STRIP2: variants seen among roughly 807,000 people sequenced by gnomAD.
STRIP2 encodes the protein striatin interacting protein 2, also known as striatin-interacting protein 2.
STRIP2 carries 84 observed loss-of-function variants against 107.1 expected under a neutral mutation model. The observed-to-expected ratio is 0.78, with a 90% CI of 0.66 to 0.94. The LOEUF (loss-of-function observed/expected upper bound fraction) is 0.94. STRIP2 is among the 40% of genes least tolerant of loss of function. The pLI, the probability that STRIP2 is intolerant of heterozygous loss-of-function variation, is 0.00. For missense variants in STRIP2, 888 were observed against 1,034.2 expected (o/e 0.86, Z 1.94); for synonymous variants, 394 against 400.4 (o/e 0.98, Z 0.19).
chr7:129,451,690 G>T lies in STRIP2; in HGVS notation c.352G>T (p.Val118Leu), dbSNP rs1440334870. Residue 118 changes from valine (V) to leucine (L), a missense_variant, in exon 4 of 21, where the codon GTG becomes TTG. Transcript: ENST00000249344. ...AATGGGACTCTTGGACCGGCTAGAG[G>T]TGGTCAGTAGGGAACGGCGGCTGAA... ...YIMGLLDRLE[V>L]VSRERRLKVA... 3 of 1,614,066 alleles carry T rather than the reference G, an allele frequency of 1.9e-6. No homozygotes were observed. The highest frequency in any genetic ancestry group is 2.5e-6 in the Non-Finnish European group (3 of 1,180,058).
intron 17 of STRIP2, 87 bp downstream of exon 17, chr7:129,467,537 G>T: frequency 1.1e-6 from 1 of 875,242 alleles, no homozygotes; most frequent in South Asian, 1.6e-5. Flanking sequence ...CAGTTTTCCT[G>T]GTGTCCCTAG....
intron 20 of STRIP2, among the ~76,000 whole-genome samples, chr7:129,484,009 G>T (rs1221948967): frequency 6.6e-6 from 1 of 152,180 alleles, no homozygotes; most frequent in Non-Finnish European, 1.5e-5. Flanking sequence ...GCCTCCCAAA[G>T]TGCTGGGATT....
At chr7:129,457,383 G>A (rs186859069) in intron 9 of STRIP2, among the ~76,000 whole-genome samples, 1 of 152,290 alleles carries the variant, frequency 6.6e-6, no homozygotes, top group East Asian at 1.9e-4. Context: ...TAAAAATACA[G>A]TATTATAATC....
intron 1 of STRIP2, 96 bp downstream of exon 1, chr7:129,434,697 C>T (rs1797683777): frequency 7.5e-7 from 1 of 1,336,678 alleles, no homozygotes; most frequent in Non-Finnish European, 9.6e-7. Flanking sequence ...GAGCCCTCGG[C>T]GCGCTCGATC....
At chr7:129,476,718 G>T (rs1333472360) in intron 18 of STRIP2, among the ~76,000 whole-genome samples, 4 of 150,900 alleles carry the variant, frequency 2.7e-5, no homozygotes, top group Non-Finnish European at 5.9e-5. Flanking sequence ...GGGGCTCCTT[G>T]CATCCCAGAC....
chr7:129,470,917 A>G (rs76035284), intron 18 of STRIP2, among the ~76,000 whole-genome samples: 1 of 152,206 alleles, frequency 6.6e-6, no homozygotes, highest in Non-Finnish European at 1.5e-5. Context: ...TTAGCGTAGC[A>G]TTTTTCAGAG....
rs140466824 is a variant in STRIP2, at chr7:129,451,740, G to C, written c.402G>C (p.Leu134=). 34 of 1,612,610 alleles carry C rather than the reference G, an allele frequency of 2.1e-5. No individual in the cohort carries two copies. Among genetic ancestry groups the C allele is most frequent in the Admixed American group, 3.3e-5 (2 of 59,880 alleles). Residue 134 remains leucine (L), a synonymous_variant, in exon 4 of 21, where the codon CTG becomes CTC. Transcript: ENST00000249344. The stretch of plus-strand genomic sequence containing the variant: ...AGGTGGCCCGGGCTGTTCTCTACCT[G>C]GCCCAAGGTGAGTGACCACCCTTGC... ...RLKVARAVLY[L]AQGTFGECDS...
Position 129,453,297 on chromosome 7 carries a change from T to C in STRIP2, c.480T>C (p.Tyr160=). 6.2e-7 allele frequency: 1 copy of C among 1,614,156 alleles called. No individual in the cohort carries two copies. Among genetic ancestry groups the C allele is most frequent in the Non-Finnish European group, 8.5e-7 (1 of 1,180,016 alleles). ...HWSRYNCFLL[Y]QMGTFSTFLE... ...CCAGGTACAACTGCTTCCTGCTGTATCAGATGGGGACCTTCTCCACCTTCC... is the reference window on the plus strand; with the variant it reads ...CCAGGTACAACTGCTTCCTGCTGTACCAGATGGGGACCTTCTCCACCTTCC... Residue 160 remains tyrosine, a synonymous_variant, in exon 5 of 21, where the codon TAT becomes TAC. Coordinates refer to ENST00000249344, the MANE Select transcript of STRIP2 (RefSeq NM_020704.3).
At chr7:129,477,907 AT>A in intron 18 of STRIP2, 2 of 516,500 alleles carry the variant, frequency 3.9e-6, no homozygotes, top group South Asian at 1.4e-5. Flanking sequence ...AGTTGAAAAA[AT>A]TTATAGACAA....
intron 17 of STRIP2, among the ~76,000 whole-genome samples, chr7:129,467,855 G>A (rs1798707981): frequency 1.3e-5 from 2 of 152,028 alleles, no homozygotes; most frequent in African/African-American, 4.8e-5. Context: ...TACAAAATTT[G>A]TAACTGAAGT....
At chr7:129,485,521 G>A in intron 20 of STRIP2, 58 bp from the exon 21 acceptor site, 1 of 1,589,778 alleles carries the variant, frequency 6.3e-7, no homozygotes, top group Non-Finnish European at 8.6e-7. Context: ...CATGCTCTGT[G>A]ATAAGAGGAG....
At chr7:129,456,858 T>G (rs1487784773) in intron 9 of STRIP2, among the ~76,000 whole-genome samples, 2 of 152,150 alleles carry the variant, frequency 1.3e-5, no homozygotes, top group African/African-American at 4.8e-5. Context: ...CACTGTGATA[T>G]CATGTCATAT....
At chr7:129,438,100 C>T (rs1164056057) in intron 1 of STRIP2, among the ~76,000 whole-genome samples, 1 of 152,146 alleles carries the variant, frequency 6.6e-6, no homozygotes. Context: ...CCACTGCGCC[C>T]GGCCAATTTG....
chr7:129,467,442 C>G lies in STRIP2; in HGVS notation c.1869C>G (p.Ala623=). The part of the protein sequence containing the change: ...FNQNILSYIT[A]KNSISVLDYP... ...AAAATATCTTGTCATACATCACTGCCAAAAACAGGTATGAACTCTGGACAG... is the reference window on the plus strand; with the variant it reads ...AAAATATCTTGTCATACATCACTGCGAAAAACAGGTATGAACTCTGGACAG... The change falls in exon 17 of 21, where the codon GCC becomes GCG. Residue 623 remains alanine (A), a synonymous_variant. Coordinates refer to ENST00000249344, the MANE Select transcript of STRIP2 (RefSeq NM_020704.3). 1 of 1,611,550 alleles carries G rather than the reference C, an allele frequency of 6.2e-7. No individual in the cohort carries two copies. Among genetic ancestry groups the G allele is most frequent in the Non-Finnish European group, 8.5e-7 (1 of 1,178,526 alleles).
intron 16 of STRIP2, among the ~76,000 whole-genome samples, chr7:129,465,710 C>T (rs1020141078): frequency 1.3e-5 from 2 of 152,126 alleles, no homozygotes; most frequent in African/African-American, 4.8e-5. Context: ...CATTGTTTGC[C>T]ATGCTAAGGA....
rs1348518896 is a variant in STRIP2 at position 129,434,483 on chromosome 7, C to T, written c.11C>T (p.Pro4Leu). Residue 4 changes from proline to leucine, a missense_variant, in exon 1 of 21, where the codon CCC becomes CTC. Pro to Leu is a moderately conservative substitution (Grantham distance 98). Coordinates refer to ENST00000249344, the MANE Select transcript of STRIP2 (RefSeq NM_020704.3). ...CCGCTGACCAGCAGCATGGAGGACC[C>T]CGCCGCGCCTGGGACCGGGGGCCCG... is the stretch of plus-strand genomic sequence containing the variant. MEDPAAPGTGGPPA... is the reference protein window; with the variant it reads MEDLAAPGTGGPPA... 1.3e-6 allele frequency: 2 copies of T among 1,514,500 alleles called. No homozygotes were observed. The highest frequency in any genetic ancestry group is 2.0e-5 in the Admixed American group (1 of 49,686). The allele number at this position is 1,514,500 out of a possible 1,614,324, so 93.8% of individuals were successfully genotyped here. A position where few individuals can be genotyped will look rare whatever the true frequency, so the allele number is the denominator to read the frequency against.
chr7:129,474,927 T>C (rs1332602527), intron 18 of STRIP2, among the ~76,000 whole-genome samples: 1 of 152,240 alleles, frequency 6.6e-6, no homozygotes, highest in Non-Finnish European at 1.5e-5. Context: ...TAATGGCATA[T>C]TAATTTCTGA....
In STRIP2 at chr7:129,470,659, C is replaced by T; in HGVS notation, c.1888C>T (p.Leu630=). Residue 630 remains leucine, a synonymous_variant, in exon 18 of 21, where the codon CTG becomes TTG. Transcript: ENST00000249344. ...YITAKNSISV[L]DYPCCTIQDL... is the part of the protein sequence containing the mutation. ...CTCTGCATCTTACAGCATCTCAGTC[C>T]TGGATTATCCTTGCTGTACCATCCA... 6.2e-7 allele frequency: 1 copy of T among 1,613,922 alleles called. No homozygotes were observed. The highest frequency in any genetic ancestry group is 8.5e-7 in the Non-Finnish European group (1 of 1,179,786).
chr7:129,449,911 T>C (rs1194083886), intron 3 of STRIP2, among the ~76,000 whole-genome samples: 1 of 152,206 alleles, frequency 6.6e-6, no homozygotes, highest in East Asian at 1.9e-4. Context: ...CTTTCATCAC[T>C]TTGTCCACTG....
Sources: gnomAD v4.1 joint callset for allele counts (sites outside exome capture counted in the v4.1 genomes callset) on GRCh38, gnomAD v4.1.1 for gene constraint, MANE v1.5 for transcripts, NCBI Gene and HGNC (gene_info 2026-07-23, HGNC 2026-07-21) for gene names.